Variants in PCDH7 observed in about 807,000 individuals in gnomAD.
PCDH7 encodes protocadherin 7, also known as protocadherin-7.
PCDH7 carries 17 observed loss-of-function variants against 58.9 expected under a neutral mutation model. The ratio of observed to expected loss-of-function variants is 0.29; its 90% confidence interval spans 0.20 to 0.43. The LOEUF (loss-of-function observed/expected upper bound fraction) is 0.43, where lower values mean the gene tolerates loss of function less well. PCDH7 is among the 20% of genes least tolerant of loss of function. PCDH7 has a pLI of 1.00. For missense variants in PCDH7, 1,274 were observed against 1,441.0 expected (o/e 0.88, Z 1.88); for synonymous variants, 664 against 616.4 (o/e 1.08, Z -1.14).
At chr4:30,801,272 T>C (rs1282024253) in intron 1 of PCDH7, among the ~76,000 whole-genome samples, 3 of 152,160 alleles carry the variant, frequency 2.0e-5, no homozygotes, top group South Asian at 2.1e-4. Flanking sequence ...AGATAAACAT[T>C]AGGAGGAAAG....
chr4:31,108,369 T>TAAAAAAAAAAAAAAAAAAAAAAAAAAAAA (rs71190491), intron 3 of PCDH7, among the ~76,000 whole-genome samples: 2 of 60,070 alleles, frequency 3.3e-5, no homozygotes, highest in Non-Finnish European at 3.7e-5. Flanking sequence ...CAGCATACAG[T>TAAAAAAAAAAAAAAAAAAAAAAAAAAAAA]AAAAAAAAAA....
At chr4:30,911,415 G>A (rs1014779557) in intron 1 of PCDH7, among the ~76,000 whole-genome samples, 4 of 148,894 alleles carry the variant, frequency 2.7e-5, no homozygotes, top group Non-Finnish European at 3.0e-5. Context: ...TGGCAAAGCC[G>A]AGTAGCTGTG....
Position 30,964,311 on chromosome 4 carries a change from G to C in PCDH7, c.*7+14096G>C, listed in dbSNP as rs376071008. Among the ~76,000 whole-genome samples the C allele has an allele frequency of 6.0e-5, 9 of 150,720 alleles. No homozygotes were observed. The South Asian group carries it at 1.9e-3, about 32-fold the overall frequency. ...GGCTGGAGTGCAGTGGCCTGATCTC[G>C]GCTCACTGCAAGCTCTGCCTCTTGG... On this transcript the variant is annotated intron_variant, in intron 3 of 3. Coordinates refer to the PCDH7 transcript ENST00000509759.
At chr4:30,802,671 T>G (rs1311710315) in intron 1 of PCDH7, among the ~76,000 whole-genome samples, 1 of 152,046 alleles carries the variant, frequency 6.6e-6, no homozygotes, top group Non-Finnish European at 1.5e-5. Context: ...CTCAATATTT[T>G]CAGCAGTAAG....
chr4:31,037,417 T>G (rs1755507912), intron 3 of PCDH7, among the ~76,000 whole-genome samples: 1 of 152,202 alleles, frequency 6.6e-6, no homozygotes, highest in African/African-American at 2.4e-5. Context: ...AGCTTAGATA[T>G]CAGGAGCTCT....
intron 3 of PCDH7, among the ~76,000 whole-genome samples, chr4:30,992,860 A>G (rs1398128271): frequency 7.6e-6 from 1 of 131,048 alleles, no homozygotes; most frequent in Non-Finnish European, 1.5e-5. Context: ...GTGCAATGGC[A>G]TGATCTTGGC....
At chr4:30,843,955 G>A (rs980681630) in intron 1 of PCDH7, among the ~76,000 whole-genome samples, 2 of 152,126 alleles carry the variant, frequency 1.3e-5, no homozygotes, top group East Asian at 3.9e-4. Flanking sequence ...AGAAAAAAAA[G>A]TCATAGTAAC....
At chr4:30,788,758 G>T (rs1723745507) in intron 1 of PCDH7, among the ~76,000 whole-genome samples, 1 of 152,052 alleles carries the variant, frequency 6.6e-6, no homozygotes, top group Admixed American at 6.6e-5. Flanking sequence ...CTCTGAACAA[G>T]TTAGAAGTCT....
At chr4:30,846,512 C>T (rs968012480) in intron 1 of PCDH7, among the ~76,000 whole-genome samples, 2 of 151,648 alleles carry the variant, frequency 1.3e-5, no homozygotes, top group African/African-American at 2.4e-5. Flanking sequence ...ATAAACTGCC[C>T]GGTCTGTGGT....
At chr4:30,904,921 T>A (rs149718421) in intron 1 of PCDH7, among the ~76,000 whole-genome samples, 300 of 152,318 alleles carry the variant, frequency 2.0e-3, no homozygotes, top group African/African-American at 6.2e-3. Flanking sequence ...TGAGACATTT[T>A]AATTCATCTT....
At chr4:30,896,449 T>C (rs1304107460) in intron 1 of PCDH7, among the ~76,000 whole-genome samples, 5 of 152,142 alleles carry the variant, frequency 3.3e-5, no homozygotes, top group African/African-American at 4.8e-5. Flanking sequence ...ATGATAACCA[T>C]AAAAAATTGC....
intron 3 of PCDH7, among the ~76,000 whole-genome samples, chr4:31,035,751 G>A (rs1389328529): frequency 6.6e-6 from 1 of 152,200 alleles, no homozygotes; most frequent in East Asian, 1.9e-4. Flanking sequence ...TCATTTAATA[G>A]AGGAAAATGG....
chr4:30,920,573 T>C lies in PCDH7; in HGVS notation c.287+204T>C, dbSNP rs554478269. 2.6e-4 allele frequency among the ~76,000 whole-genome samples: 40 copies of C among 152,258 alleles called. 1 individual carries two copies. Among genetic ancestry groups the C allele is most frequent in the Non-Finnish European group, 2.9e-4 (20 of 68,016 alleles). On this transcript the variant is annotated intron_variant, in intron 2 of 3. Transcript: ENST00000509759. Reference sequence around the variant, plus strand: ...AAATTCACCCAAATTGCACCATCATTTTAAAACATCCTGTCAGAAATAAAC... The same window carrying C: ...AAATTCACCCAAATTGCACCATCATCTTAAAACATCCTGTCAGAAATAAAC...
chr4:31,083,873 A>G (rs73812519), intron 3 of PCDH7, among the ~76,000 whole-genome samples: 3,736 of 152,298 alleles, frequency 0.025, 162 homozygotes, highest in African/African-American at 0.086. Flanking sequence ...AGTCCATTCA[A>G]TGATGCTGGA....
At chr4:31,026,359 G>A (rs537431400) in intron 3 of PCDH7, among the ~76,000 whole-genome samples, 10 of 152,226 alleles carry the variant, frequency 6.6e-5, no homozygotes, top group Admixed American at 6.5e-4. Flanking sequence ...AAGGATTCCC[G>A]AGGCTATGAT....
intron 1 of PCDH7, among the ~76,000 whole-genome samples, chr4:30,872,513 T>A (rs1735754927): frequency 6.6e-6 from 1 of 152,132 alleles, no homozygotes; most frequent in South Asian, 2.1e-4. Flanking sequence ...TGTTCCATTA[T>A]AACCTGGATG....
chr4:30,822,544 G>A (rs796594297), intron 1 of PCDH7, among the ~76,000 whole-genome samples: 2 of 152,082 alleles, frequency 1.3e-5, no homozygotes, highest in Admixed American at 6.6e-5. Context: ...ACATTCCTGT[G>A]GGGATATTGT....
chr4:31,141,787 T>A (rs1720287322), intron 3 of PCDH7, among the ~76,000 whole-genome samples: 1 of 152,046 alleles, frequency 6.6e-6, no homozygotes, highest in Non-Finnish European at 1.5e-5. Flanking sequence ...TGTGAACACA[T>A]CAGCACATAT....
chr4:30,758,255 A>G (rs771865886), intron 1 of PCDH7, among the ~76,000 whole-genome samples: 12 of 152,160 alleles, frequency 7.9e-5, no homozygotes, highest in Non-Finnish European at 1.6e-4. Flanking sequence ...AGAAACCTGT[A>G]TGGGATACTT....
Sources: gnomAD v4.1 joint callset for allele counts (sites outside exome capture counted in the v4.1 genomes callset) on GRCh38, gnomAD v4.1.1 for gene constraint, MANE v1.5 for transcripts, NCBI Gene and HGNC (gene_info 2026-07-23, HGNC 2026-07-21) for gene names.